Variants in LAMA2 observed in about 807,000 individuals in gnomAD.
The protein encoded by LAMA2 is laminin subunit alpha-2.
In LAMA2, 269 loss-of-function variants were observed where a neutral mutation model predicts 364.8. The observed-to-expected ratio is 0.74, with a 90% CI of 0.67 to 0.82. The LOEUF (loss-of-function observed/expected upper bound fraction) is 0.82, where lower values mean the gene tolerates loss of function less well. Among genes scored for constraint, LAMA2 ranks in the 40% least tolerant of loss-of-function variants. The pLI is 0.00. For missense variants in LAMA2, 3,807 were observed against 3,873.2 expected (o/e 0.98, Z 0.45); for synonymous variants, 1,379 against 1,370.6 (o/e 1.01, Z -0.14).
intron 4 of LAMA2, among the ~76,000 whole-genome samples, chr6:129,109,992 T>C (rs560739827): frequency 3.3e-5 from 5 of 152,050 alleles, no homozygotes; most frequent in Admixed American, 6.6e-5. Flanking sequence ...GATTTCATTG[T>C]GTGGACCTGT....
At chr6:129,255,405 CAAAAAAAAAAAAAAAAAA>C (rs5879934) in intron 14 of LAMA2, among the ~76,000 whole-genome samples, 3 of 33,830 alleles carry the variant, frequency 8.9e-5, no homozygotes, top group African/African-American at 1.0e-4. Context: ...GACTCTGTCT[CAAAAAAAAAAAAAAAAAA>C]AAAAAAAAAA....
intron 3 of LAMA2, among the ~76,000 whole-genome samples, chr6:129,091,801 A>T (rs1258626648): frequency 6.6e-6 from 1 of 152,228 alleles, no homozygotes; most frequent in Non-Finnish European, 1.5e-5. Flanking sequence ...ATATTTCCAC[A>T]TTAATGTTTT....
intron 1 of LAMA2, among the ~76,000 whole-genome samples, chr6:129,021,584 T>G (rs1208638397): frequency 6.6e-6 from 1 of 152,198 alleles, no homozygotes; most frequent in Non-Finnish European, 1.5e-5. Flanking sequence ...CCATAAGAAT[T>G]AGCAGAAGCT....
At chr6:128,974,817 TTG>T (rs1782419266) in intron 1 of LAMA2, among the ~76,000 whole-genome samples, 1 of 152,170 alleles carries the variant, frequency 6.6e-6, no homozygotes, top group Admixed American at 6.5e-5. Context: ...AAAATAGACT[TTG>T]TGTCTGCTTT....
At chr6:129,212,574 C>T (rs1783172460) in intron 12 of LAMA2, among the ~76,000 whole-genome samples, 2 of 152,094 alleles carry the variant, frequency 1.3e-5, no homozygotes, top group South Asian at 4.1e-4. Flanking sequence ...TTTATGATTT[C>T]CTGACTTCCA....
chr6:129,449,509 C>T (rs1782557364), intron 45 of LAMA2, among the ~76,000 whole-genome samples: 1 of 152,076 alleles, frequency 6.6e-6, no homozygotes, highest in Admixed American at 6.5e-5. Flanking sequence ...GAAACACTTC[C>T]CAAAAGGCCC....
chr6:128,892,926 C>A (rs1776549653), intron 1 of LAMA2, among the ~76,000 whole-genome samples: 1 of 151,868 alleles, frequency 6.6e-6, no homozygotes, highest in African/African-American at 2.4e-5. Flanking sequence ...GAGAAAACTG[C>A]TTTTCTAAAC....
intron 2 of LAMA2, 147 bp downstream of exon 2, chr6:129,050,235 C>T (rs1418811085): frequency 2.6e-6 from 2 of 771,422 alleles, no homozygotes; most frequent in East Asian, 5.4e-5. Flanking sequence ...CCTGGCCCCT[C>T]TCTGTCATTC....
chr6:129,275,537 A>C (rs771645138), intron 17 of LAMA2, among the ~76,000 whole-genome samples: 1 of 152,034 alleles, frequency 6.6e-6, no homozygotes, highest in Non-Finnish European at 1.5e-5. Context: ...GTTCACTGTA[A>C]AAATCAGTAA....
At chr6:128,935,558 A>G (rs1779766385) in intron 1 of LAMA2, among the ~76,000 whole-genome samples, 1 of 152,146 alleles carries the variant, frequency 6.6e-6, no homozygotes, top group Non-Finnish European at 1.5e-5. Context: ...AGCATGATTT[A>G]TAATCCTTTG....
chr6:128,963,729 A>G (rs1582782147), intron 1 of LAMA2, among the ~76,000 whole-genome samples: 1 of 152,100 alleles, frequency 6.6e-6, no homozygotes, highest in East Asian at 1.9e-4. Context: ...CCTATGGCCA[A>G]AACGTCCACA....
At chr6:128,961,667 A>G (rs2114596011) in intron 1 of LAMA2, among the ~76,000 whole-genome samples, 1 of 151,816 alleles carries the variant, frequency 6.6e-6, no homozygotes, top group African/African-American at 2.4e-5. Flanking sequence ...GATTGTGCCC[A>G]CCAGATTAAG....
chr6:128,909,845 C>G (rs1777772698), intron 1 of LAMA2, among the ~76,000 whole-genome samples: 1 of 151,840 alleles, frequency 6.6e-6, no homozygotes, highest in Admixed American at 6.6e-5. Context: ...GTGACAAAAT[C>G]TCTCAGCATT....
chr6:129,385,326 AGG>A (rs1778953243), intron 35 of LAMA2, among the ~76,000 whole-genome samples: 1 of 146,322 alleles, frequency 6.8e-6, no homozygotes, highest in African/African-American at 2.5e-5. Flanking sequence ...GAAGGAAGGA[AGG>A]AAGGAAGGGG....
intron 4 of LAMA2, among the ~76,000 whole-genome samples, chr6:129,113,481 A>G (rs1443356273): frequency 6.6e-6 from 1 of 152,026 alleles, no homozygotes; most frequent in African/African-American, 2.4e-5. Context: ...AAACGCCAAA[A>G]GTCAAGTAAC....
At chr6:129,080,123 T>C (rs949937693) in intron 3 of LAMA2, among the ~76,000 whole-genome samples, 4 of 152,216 alleles carry the variant, frequency 2.6e-5, no homozygotes. Flanking sequence ...TCCTAGACAC[T>C]GGACAAAATA....
intron 30 of LAMA2, among the ~76,000 whole-genome samples, chr6:129,348,431 T>A (rs1299732023): frequency 2.6e-5 from 4 of 152,158 alleles, no homozygotes; most frequent in Non-Finnish European, 4.4e-5. Flanking sequence ...AGATACATGT[T>A]TTTAATTTCC....
intron 30 of LAMA2, among the ~76,000 whole-genome samples, chr6:129,346,174 G>A (rs1776539931): frequency 6.6e-6 from 1 of 152,094 alleles, no homozygotes; most frequent in East Asian, 1.9e-4. Flanking sequence ...GCCTTCCCAA[G>A]GAAAGATCAG....
intron 44 of LAMA2, among the ~76,000 whole-genome samples, chr6:129,444,356 T>G (rs1236435657): frequency 1.3e-5 from 2 of 152,202 alleles, no homozygotes; most frequent in Non-Finnish European, 2.9e-5. Flanking sequence ...TTTAGAATAA[T>G]TTGTAGAATG....
Sources: gnomAD v4.1 joint callset for allele counts (sites outside exome capture counted in the v4.1 genomes callset) on GRCh38, gnomAD v4.1.1 for gene constraint, MANE v1.5 for transcripts, NCBI Gene and HGNC (gene_info 2026-07-23, HGNC 2026-07-21) for gene names.